The following SIN3B variants were observed in gnomAD, a reference collection of about 807,000 sequenced individuals.
SIN3B encodes paired amphipathic helix protein Sin3b.
Under a neutral mutation model 120.2 loss-of-function variants are expected in SIN3B, and 19 were observed. The ratio of observed to expected loss-of-function variants is 0.16; its 90% CI spans 0.11 to 0.23. The LOEUF is 0.23. SIN3B is among the 10% of genes least tolerant of loss of function. SIN3B has a pLI of 1.00. For synonymous variants in SIN3B, 654 were observed against 653.2 expected, an observed-to-expected ratio of 1.00 and a Z score of -0.02; for missense variants, 1,073 against 1,573.0, an observed-to-expected ratio of 0.68 and a Z score of 5.38.
intron 14 of SIN3B, chr19:16,871,654 C>G (rs1166588726): frequency 7.0e-6 from 3 of 428,396 alleles, no homozygotes; most frequent in Admixed American, 4.2e-5. Flanking sequence ...AAAAGGAGAC[C>G]CCATCCCCAT....
Position 16,829,774 on chromosome 19 carries a change from C to CGG in SIN3B, c.121-17_121-16insGG. ...TTCCGCGGCCAGGGCCCACCGGGAC[C>CGG]CTCCCCCTCTCTGCAGGTAGAAGAC... On this transcript the variant is annotated splice_polypyrimidine_tract_variant and intron_variant, in intron 1 of 18. Transcript: ENST00000248054. 23 of 1,580,530 alleles carry CGG rather than the reference C, an allele frequency of 1.5e-5. No homozygotes were observed. Among genetic ancestry groups the CGG allele is most frequent in the South Asian group, 3.3e-5 (3 of 90,368 alleles).
intron 14 of SIN3B, among the ~76,000 whole-genome samples, chr19:16,875,135 CTGGTCTGGTTT>C (rs1448532906): frequency 1.4e-4 from 18 of 130,302 alleles, no homozygotes; most frequent in Admixed American, 1.1e-3. Flanking sequence ...TTGGTTTGGT[CTGGTCTGGTTT>C]TGGTCTGGTT....
rs1281926910 is a variant in SIN3B at position 16,863,803 on chromosome 19, G to A, written c.1383+7G>A. 2 of 1,605,552 alleles carry A rather than the reference G, an allele frequency of 1.2e-6. No individual in the cohort carries two copies. Among genetic ancestry groups the A allele is most frequent in the East Asian group, 2.2e-5 (1 of 44,828 alleles). On this transcript the variant is annotated splice_region_variant and intron_variant, in intron 10 of 18. Transcript: ENST00000248054. ...TGAGGACGAGCGCTTCGAGGTGTGTGTGCTGCTGTGGCCGGGTCCCCCGGC... is the reference window on the plus strand; with the variant it reads ...TGAGGACGAGCGCTTCGAGGTGTGTATGCTGCTGTGGCCGGGTCCCCCGGC...
At chr19:16,831,784 C>A in intron 3 of SIN3B, 137 bp downstream of exon 3, 1 of 696,164 alleles carries the variant, frequency 1.4e-6, no homozygotes. Flanking sequence ...GTGCTCATTG[C>A]TTCTAGCACA....
At chr19:16,866,583 C>T (rs764910171) in intron 12 of SIN3B, 27 bp downstream of exon 12, 17 of 1,609,972 alleles carry the variant, frequency 1.1e-5, no homozygotes, top group South Asian at 2.2e-5. Context: ...CCCTGCCGGC[C>T]GGTGGGGGTG....
At chr19:16,834,708 A>C (rs1568411704) in intron 3 of SIN3B, among the ~76,000 whole-genome samples, 2 of 152,062 alleles carry the variant, frequency 1.3e-5, no homozygotes, top group Non-Finnish European at 2.9e-5. Context: ...TCAGGTTTCC[A>C]GCCCTGTTTC....
rs1401948840 is a variant in SIN3B at position 16,867,474 on chromosome 19, G to C, written c.1806+918G>C. On this transcript the variant is annotated intron_variant, in intron 12 of 18. Coordinates refer to ENST00000248054, the MANE Select transcript of SIN3B (RefSeq NM_001297595.2). The stretch of plus-strand genomic sequence containing the variant: ...GTGCCTGCTTGCAGGATCCTGAGGT[G>C]GGAAGCTTGGCAGGGTGCCGGGCGT... Among the ~76,000 whole-genome samples, 4 of 152,214 alleles carry C rather than the reference G, an allele frequency of 2.6e-5. No individual in the cohort carries two copies. The East Asian group carries it at 7.7e-4, about 29-fold the overall frequency.
chr19:16,830,267 T>C lies in SIN3B; in HGVS notation c.227+370T>C, dbSNP rs570950832. The stretch of plus-strand genomic sequence containing the variant: ...ATTTTCAAGCGCTGTAAAATGTTAT[T>C]GTCTTGATGATTGAAATTTTTGGCA... On this transcript the variant is annotated intron_variant, in intron 2 of 18. Coordinates refer to ENST00000248054, the MANE Select transcript of SIN3B (RefSeq NM_001297595.2). 6.6e-4 allele frequency among the ~76,000 whole-genome samples: 100 copies of C among 152,326 alleles called. No individual in the cohort carries two copies. The South Asian group carries it at 7.2e-3, about 11-fold the overall frequency.
chr19:16,854,484 A>G (rs946283759), intron 8 of SIN3B: 34 of 508,646 alleles, frequency 6.7e-5, no homozygotes, highest in Non-Finnish European at 8.0e-5. Flanking sequence ...ATCTGTAGTC[A>G]GTATCCTCAC....
At chr19:16,865,217 C>A in intron 10 of SIN3B, 193 bp from the exon 11 acceptor site, 2 of 569,546 alleles carry the variant, frequency 3.5e-6, no homozygotes, top group Non-Finnish European at 6.3e-6. Context: ...TTGTTTGAGC[C>A]CAGGAGGTTG....
intron 2 of SIN3B, 70 bp from the exon 3 acceptor site, chr19:16,831,424 A>G: frequency 6.8e-7 from 1 of 1,464,730 alleles, no homozygotes; most frequent in Non-Finnish European, 9.4e-7. Context: ...GTATCAAGGG[A>G]GTGGGGAATA....
intron 3 of SIN3B, among the ~76,000 whole-genome samples, chr19:16,833,076 G>A (rs1599586100): frequency 6.6e-6 from 1 of 152,144 alleles, no homozygotes; most frequent in African/African-American, 2.4e-5. Flanking sequence ...TGTCTCCCTG[G>A]GGGGCAAAAG....
rs183813979 is a variant in SIN3B, at chr19:16,872,084, G to A, written c.2592+686G>A. On this transcript the variant is annotated intron_variant, in intron 14 of 18. Transcript: ENST00000248054. The stretch of plus-strand genomic sequence containing the variant: ...TATAAACAGCAGACGTCCCAGACGA[G>A]CTGGGTGTGGTTCCAGGACATGGGT... Among the ~76,000 whole-genome samples, 376 of 152,244 alleles carry A rather than the reference G, an allele frequency of 2.5e-3. 2 individuals are homozygous for A. Among genetic ancestry groups the A allele is most frequent in the Non-Finnish European group, 1.7e-3 (117 of 68,016 alleles).
intron 13 of SIN3B, among the ~76,000 whole-genome samples, chr19:16,870,388 T>C (rs1026467026): frequency 4.6e-5 from 2 of 43,846 alleles, no homozygotes; most frequent in Non-Finnish European, 1.0e-4. Context: ...TTTTTCTTTC[T>C]TTTTTTTTTT....
chr19:16,839,545 G>T (rs765549252), intron 3 of SIN3B, among the ~76,000 whole-genome samples: 2 of 152,072 alleles, frequency 1.3e-5, no homozygotes, highest in Non-Finnish European at 2.9e-5. Flanking sequence ...TGGGGGGCTC[G>T]CAGTGAGCCT....
intron 8 of SIN3B, among the ~76,000 whole-genome samples, chr19:16,855,910 C>T (rs947068583): frequency 2.0e-5 from 3 of 148,504 alleles, no homozygotes; most frequent in Non-Finnish European, 4.5e-5. Context: ...TATAAAAATT[C>T]GCCGGGGGTG....
At chr19:16,843,162 A>G (rs1234455542) in intron 4 of SIN3B, among the ~76,000 whole-genome samples, 2 of 152,002 alleles carry the variant, frequency 1.3e-5, no homozygotes, top group Admixed American at 6.6e-5. Context: ...CAGTGGCTCA[A>G]TCTCAGCTCA....
intron 14 of SIN3B, chr19:16,872,775 C>G (rs1391227884): frequency 6.6e-6 from 1 of 152,188 alleles, no homozygotes; most frequent in African/African-American, 2.4e-5. Flanking sequence ...GAGGTAGATC[C>G]CTGGCCTCGA....
At chr19:16,829,667 TCAC>T in intron 1 of SIN3B, 121 bp from the exon 2 acceptor site, 1 of 562,380 alleles carries the variant, frequency 1.8e-6, no homozygotes, top group Non-Finnish European at 2.1e-6. Context: ...CCCGGACCCC[TCAC>T]CCCTCACCTC....
Sources: gnomAD v4.1 joint callset for allele counts (sites outside exome capture counted in the v4.1 genomes callset) on GRCh38, gnomAD v4.1.1 for gene constraint, MANE v1.5 for transcripts, NCBI Gene and HGNC (gene_info 2026-07-23, HGNC 2026-07-21) for gene names.